The following GLB1L variants were observed in gnomAD, a reference collection of about 807,000 sequenced individuals.
The protein encoded by GLB1L is galactosidase beta 1 like.
GLB1L carries 58 observed loss-of-function variants against 75.7 expected under a neutral mutation model. That is an observed-to-expected ratio of 0.77 (90% CI 0.62 to 0.95). The LOEUF is 0.95. Among genes scored for constraint, GLB1L ranks in the 40% least tolerant of loss-of-function variants. The probability of loss-of-function intolerance (pLI) is 0.00; values close to 1 mark genes in which losing one functional copy is unlikely to be tolerated. For missense variants in GLB1L, 797 were observed against 805.5 expected (o/e 0.99, Z 0.13); for synonymous variants, 296 against 303.0 (o/e 0.98, Z 0.24).
chr2:219,240,946 A>C (rs79758467), intron 5 of GLB1L, among the ~76,000 whole-genome samples: 1 of 151,160 alleles, frequency 6.6e-6, no homozygotes, highest in East Asian at 2.0e-4. Context: ...TAGCCGGGCA[A>C]GGTGGTAGGT....
intron 5 of GLB1L, among the ~76,000 whole-genome samples, chr2:219,241,522 C>A: frequency 7.1e-6 from 1 of 141,770 alleles, no homozygotes. Context: ...AAGGCCTCAC[C>A]AAGGTGACTT....
chr2:219,238,718 A>C lies in GLB1L; in HGVS notation c.1124T>G (p.Val375Gly). 3.1e-6 allele frequency: 5 copies of C among 1,614,120 alleles called. No individual in the cohort carries two copies. The highest frequency in any genetic ancestry group is 4.2e-6 in the Non-Finnish European group (5 of 1,179,976). Reference sequence around the variant, plus strand: ...GGAGGAACTTACCAGGTGCAGAGTCACAGGTCCAAGCATCATCTTGGGGCT... The same window carrying C: ...GGAGGAACTTACCAGGTGCAGAGTCCCAGGTCCAAGCATCATCTTGGGGCT... The part of the protein sequence containing the change: ...PPSPKMMLGP[V>G]TLHLVGHLLA... The change falls in exon 12 of 17, where the codon GTG becomes GGG. Residue 375 changes from valine to glycine, a missense_variant. By Grantham distance (109) the Val-to-Gly change is moderately radical. Coordinates refer to ENST00000295759, the MANE Select transcript of GLB1L (RefSeq NM_001286423.2).
At chr2:219,244,353 T>C (rs1261907621) in intron 1 of GLB1L, among the ~76,000 whole-genome samples, 3 of 152,094 alleles carry the variant, frequency 2.0e-5, no homozygotes, top group South Asian at 2.1e-4. Flanking sequence ...GCCGGGTATA[T>C]AGTAGGTTAA....
At position 219,243,620 on chromosome 2, in the gene GLB1L, C is replaced by G; in HGVS notation, c.-47G>C. 1 of 1,592,264 alleles carries G rather than the reference C, an allele frequency of 6.3e-7. No individual in the cohort carries two copies. Among genetic ancestry groups the G allele is most frequent in the Non-Finnish European group, 8.6e-7 (1 of 1,160,728 alleles). Reference sequence around the variant, plus strand: ...GTCTGAGACGGCGGACAGACCGTCACGTGTCGGATTCCTGGGAGGGAACCT... The same window carrying G: ...GTCTGAGACGGCGGACAGACCGTCAGGTGTCGGATTCCTGGGAGGGAACCT... On this transcript the variant is annotated 5_prime_UTR_variant, in exon 2 of 17. Coordinates refer to ENST00000295759, the MANE Select transcript of GLB1L (RefSeq NM_001286423.2).
Position 219,239,692 on chromosome 2 carries a change from G to T in GLB1L, c.781-10C>A, listed in dbSNP as rs1559264962. ...AGTACTCAGAGTTTACCTAGAGTGT[G>T]AAATGAAAGGAGTGTGAGTGAGATG... On this transcript the variant is annotated splice_polypyrimidine_tract_variant and intron_variant, in intron 8 of 16. Coordinates refer to ENST00000295759, the MANE Select transcript of GLB1L (RefSeq NM_001286423.2). 8.1e-6 allele frequency: 13 copies of T among 1,614,160 alleles called. No individual in the cohort carries two copies. Among genetic ancestry groups the T allele is most frequent in the Non-Finnish European group, 8.5e-6 (10 of 1,180,028 alleles).
Position 219,241,412 on chromosome 2 carries a change from ATGTGTGTGTG to A in GLB1L, c.451+1092_451+1101del, listed in dbSNP as rs745647003. 4.4e-3 allele frequency among the ~76,000 whole-genome samples: 450 copies of A among 102,576 alleles called. 6 individuals carry two copies. Among genetic ancestry groups the A allele is most frequent in the East Asian group, 0.03 (75 of 2,540 alleles). 67.3% of individuals were successfully genotyped at this position (102,576 alleles called of 152,430 possible). On this transcript the variant is annotated intron_variant, in intron 5 of 16. Coordinates refer to ENST00000295759, the MANE Select transcript of GLB1L (RefSeq NM_001286423.2). ...AACAAAATAAAAATAATATATATAT[ATGTGTGTGTG>A]TGTGTGTGTGTGTGTGTGTGTATAT...
At chr2:219,238,959 G>T in intron 11 of GLB1L, 133 bp downstream of exon 11, 2 of 833,492 alleles carry the variant, frequency 2.4e-6, no homozygotes, top group Non-Finnish European at 3.9e-6. Context: ...AATGGGAAAT[G>T]CCTCAGTGGG....
intron 13 of GLB1L, 57 bp from the exon 14 acceptor site, chr2:219,238,420 C>T (rs1213833252): frequency 9.6e-6 from 15 of 1,564,614 alleles, no homozygotes; most frequent in Non-Finnish European, 1.3e-5. Context: ...GACACTGTGA[C>T]TATAGCCAAG....
In GLB1L at chr2:219,236,730, G is replaced by T; in HGVS notation, c.*342C>A. 2.4e-6 allele frequency: 1 copy of T among 420,818 alleles called. No individual in the cohort carries two copies. Among genetic ancestry groups the T allele is most frequent in the Admixed American group, 4.1e-5 (1 of 24,356 alleles). The allele number at this position is 420,818 out of a possible 1,614,324, so 26.1% of individuals were successfully genotyped here. A position where few individuals can be genotyped will look rare whatever the true frequency, so the allele number is the denominator to read the frequency against. On this transcript the variant is annotated 3_prime_UTR_variant, in exon 17 of 17. Coordinates refer to ENST00000295759, the MANE Select transcript of GLB1L (RefSeq NM_001286423.2). ...ACCGTGGCCAGCACCAAGGGATCCTGCCCACTCCATGTCCCAGGTCCAAGG... is the reference window on the plus strand; with the variant it reads ...ACCGTGGCCAGCACCAAGGGATCCTTCCCACTCCATGTCCCAGGTCCAAGG...
In GLB1L at chr2:219,238,690, T is replaced by C; in HGVS notation, c.1137+15A>G. ...AAAAGGTGTGGTATAAGAGAAAAGATGTGGAGGAACTTACCAGGTGCAGAG... is the reference window on the plus strand; with the variant it reads ...AAAAGGTGTGGTATAAGAGAAAAGACGTGGAGGAACTTACCAGGTGCAGAG... On this transcript the variant is annotated intron_variant, in intron 12 of 16. Transcript: ENST00000295759. 1.2e-6 allele frequency: 2 copies of C among 1,611,338 alleles called. No homozygotes were observed. Among genetic ancestry groups the C allele is most frequent in the African/African-American group, 1.3e-5 (1 of 74,848 alleles).
At chr2:219,243,774 C>A in intron 1 of GLB1L, 131 bp from the exon 2 acceptor site, 2 of 568,554 alleles carry the variant, frequency 3.5e-6, no homozygotes, top group Non-Finnish European at 3.2e-6. Context: ...GTGCAGTTCA[C>A]GAACCAGCTT....
At chr2:219,238,412 C>A in intron 13 of GLB1L, 49 bp from the exon 14 acceptor site, 1 of 1,555,966 alleles carries the variant, frequency 6.4e-7, no homozygotes, top group East Asian at 2.2e-5. Context: ...TAAAAGAGGA[C>A]ACTGTGACTA....
At position 219,242,859 on chromosome 2, in the gene GLB1L, C is replaced by T; in HGVS notation, c.299G>A (p.Arg100Gln). The stretch of plus-strand genomic sequence containing the variant: ...CTCATTCAGAAAGGCAATGAGGTCC[C>T]GGCTGCCATTAAAGTTATAGACCCC... ...QPGVYNFNGS[R>Q]DLIAFLNEAA... The change falls in exon 4 of 17, where the codon CGG (arginine) becomes CAG (glutamine). Residue 100 changes from arginine to glutamine, a missense_variant. Transcript: ENST00000295759. 4 of 1,614,176 alleles carry T rather than the reference C, an allele frequency of 2.5e-6. No homozygotes were observed. The highest frequency in any genetic ancestry group is 4.5e-5 in the East Asian group (2 of 44,880).
At chr2:219,239,257 A>T (rs1460918482) in intron 10 of GLB1L, 47 bp from the exon 11 acceptor site, 2 of 1,533,582 alleles carry the variant, frequency 1.3e-6, no homozygotes, top group Non-Finnish European at 1.8e-6. Context: ...TTCAGATGAC[A>T]GGCACTACTA....
intron 4 of GLB1L, 55 bp from the exon 5 acceptor site, chr2:219,242,629 G>A: frequency 1.3e-6 from 2 of 1,560,406 alleles, no homozygotes; most frequent in South Asian, 1.1e-5. Context: ...TTGGGGTGTG[G>A]TGGGGAAGCT....
At position 219,237,825 on chromosome 2, in the gene GLB1L, C is replaced by T; in HGVS notation, c.1473+1G>A. The stretch of plus-strand genomic sequence containing the variant: ...GATATAACTAGGCAAAGCTAGCTCA[C>T]CTTGAAGTCACTGCTGTTAGACCCA... On this transcript the variant is annotated splice_donor_variant, in intron 15 of 16. Coordinates refer to ENST00000295759, the MANE Select transcript of GLB1L (RefSeq NM_001286423.2). LOFTEE classifies it high-confidence loss of function. The T allele has an allele frequency of 6.2e-7, 1 of 1,614,072 alleles. No individual in the cohort carries two copies. Among genetic ancestry groups the T allele is most frequent in the Non-Finnish European group, 8.5e-7 (1 of 1,179,958 alleles).
rs1314290417 is a variant in GLB1L, at chr2:219,243,129, T to G, written c.239+19A>C. On this transcript the variant is annotated intron_variant, in intron 3 of 16. Coordinates refer to ENST00000295759, the MANE Select transcript of GLB1L (RefSeq NM_001286423.2). ...AAAGTAGATCCCATCCCTCCGCGGC[T>G]CTTGCGAGCACTTCTTACAACTGTA... 1 of 1,585,042 alleles carries G rather than the reference T, an allele frequency of 6.3e-7. No homozygotes were observed. The highest frequency in any genetic ancestry group is 8.6e-7 in the Non-Finnish European group (1 of 1,162,866).
intron 11 of GLB1L, 27 bp from the exon 12 acceptor site, chr2:219,238,806 T>C (rs771140471): frequency 5.7e-6 from 9 of 1,590,192 alleles, no homozygotes; most frequent in East Asian, 2.2e-5. Flanking sequence ...TCAGGATCCA[T>C]AGGAAAACCA....
rs1323574173 is a variant in GLB1L at position 219,242,910 on chromosome 2, G to A, written c.248C>T (p.Pro83Leu). ...AGGCTGTGGCTCGTGGTAGTTCCAGGGCACATAACTGAGAAAGGAAGAGGT... is the reference window on the plus strand; with the variant it reads ...AGGCTGTGGCTCGTGGTAGTTCCAGAGCACATAACTGAGAAAGGAAGAGGT... ...SGLNAIQFYV[P>L]WNYHEPQPGV... The change falls in exon 4 of 17, where the codon CCC (proline) becomes CTC (leucine). Residue 83 changes from proline to leucine, a missense_variant. By Grantham distance (98) the Pro-to-Leu change is moderately conservative. Coordinates refer to ENST00000295759, the MANE Select transcript of GLB1L (RefSeq NM_001286423.2). The A allele has an allele frequency of 2.5e-6, 4 of 1,614,180 alleles. No homozygotes were observed. Among genetic ancestry groups the A allele is most frequent in the African/African-American group, 1.3e-5 (1 of 75,034 alleles).
Sources: allele counts gnomAD v4.1 joint callset (sites outside exome capture counted in the v4.1 genomes callset), GRCh38; gene constraint gnomAD v4.1.1; transcripts MANE v1.5; gene names NCBI Gene and HGNC (gene_info 2026-07-23, HGNC 2026-07-21).